FAM50A: variants seen among roughly 807,000 people sequenced by gnomAD.
FAM50A encodes family with sequence similarity 50 member A, also known as protein FAM50A.
A neutral mutation model predicts 35.5 loss-of-function variants in FAM50A; 6 were observed. The ratio of observed to expected loss-of-function variants is 0.17; its 90% CI spans 0.09 to 0.33. FAM50A has a LOEUF of 0.33. Ranked by LOEUF, FAM50A falls within the 10% of genes least tolerant of loss-of-function variation. The pLI, the probability that FAM50A is intolerant of heterozygous loss-of-function variation, is 1.00. For missense variants in FAM50A, 145 were observed against 295.5 expected (o/e 0.49, Z 3.73); for synonymous variants, 120 against 110.9 (o/e 1.08, Z -0.52).
chrX:154,449,311 G>C lies in FAM50A; in HGVS notation c.725+14G>C, dbSNP rs782505211. ...CAGTGAGCTGAGGTGTGAGGTGTGC[G>C]TGTGTGCACGGTGGTGTGTGTGGCA... On this transcript the variant is annotated intron_variant, in intron 8 of 12. Coordinates refer to ENST00000393600, the MANE Select transcript of FAM50A (RefSeq NM_004699.4). The C allele has an allele frequency of 6.8e-6, 8 of 1,175,493 alleles. 1 individual carries two copies. In the Admixed American group the frequency reaches 1.7e-4, roughly 26 times the overall value.
chrX:154,450,117 G>C lies in FAM50A; in HGVS notation c.900+18G>C, dbSNP rs782769485. The C allele has an allele frequency of 5.8e-6, 7 of 1,202,829 alleles. No individual in the cohort carries two copies. In the African/African-American group the frequency reaches 8.8e-5, roughly 15 times the overall value. On this transcript the variant is annotated intron_variant, in intron 11 of 12. Coordinates refer to ENST00000393600, the MANE Select transcript of FAM50A (RefSeq NM_004699.4). ...AGGATGAGGTACAGCGTAGGGGGCCGTGTGAGGGGGAACGGGTGTCCCTGG... is the reference window on the plus strand; with the variant it reads ...AGGATGAGGTACAGCGTAGGGGGCCCTGTGAGGGGGAACGGGTGTCCCTGG...
Position 154,450,319 on chromosome X carries a change from G to A in FAM50A, c.1011G>A (p.Thr337=). 8.3e-7 allele frequency: 1 copy of A among 1,207,418 alleles called. No individual in the cohort carries two copies. Among genetic ancestry groups the A allele is most frequent in the Non-Finnish European group, 1.1e-6 (1 of 891,568 alleles). The stretch of plus-strand genomic sequence containing the variant: ...CTGAAAAGAAGTGGGACAAGTACAC[G>A]GTGAGGAGGGGCTGGCAGGGACCCC... ...YDPEKKWDKY[T]IR is the part of the protein sequence containing the mutation. Residue 337 remains threonine (T), a splice_region_variant and synonymous_variant, in exon 12 of 13, where the codon ACG becomes ACA. Transcript: ENST00000393600.
At chrX:154,449,612 G>C (rs1254700554) in intron 8 of FAM50A, 69 bp from the exon 9 acceptor site, 1 of 985,955 alleles carries the variant, frequency 1.0e-6, no homozygotes, top group African/African-American at 1.9e-5. Flanking sequence ...CTCCTGGGCT[G>C]GCTGTCTCCT....
At chrX:154,446,303 C>G in intron 3 of FAM50A, 112 bp from the exon 4 acceptor site, 1 of 704,972 alleles carries the variant, frequency 1.4e-6, no homozygotes, top group Non-Finnish European at 2.2e-6. Flanking sequence ...GGGACCCAGC[C>G]TGGGCTGGGC....
rs781816960 is a variant in FAM50A at position 154,448,764 on chromosome X, T to A, written c.586+8T>A. ...AGCAGGAGAAGATCAAGAGTGAGTG[T>A]TTGCGGAGTCAGACGCGAGGGGCCT... On this transcript the variant is annotated splice_region_variant and intron_variant, in intron 6 of 12. Coordinates refer to ENST00000393600, the MANE Select transcript of FAM50A (RefSeq NM_004699.4). The A allele has an allele frequency of 8.3e-6, 10 of 1,205,997 alleles. No homozygotes were observed. Among genetic ancestry groups the A allele is most frequent in the Admixed American group, 2.2e-5 (1 of 45,584 alleles).
In FAM50A at chrX:154,444,221, G is replaced by GC. The variant is rs2068772135; in HGVS notation, c.-13dup. 1.2e-6 allele frequency: 1 copy of GC among 846,637 alleles called. No homozygotes were observed. The highest frequency in any genetic ancestry group is 1.5e-6 in the Non-Finnish European group (1 of 685,094). The allele number at this position is 846,637 out of a possible 1,213,427, so 69.8% of individuals were successfully genotyped here. A position where few individuals can be genotyped will look rare whatever the true frequency, so the allele number is the denominator to read the frequency against. ...GCCGCCGCCCGCCGCCGCCGCCGCC[G>GC]CCGCCGCCGCTGCCATGGCTCAATA... On this transcript the variant is annotated 5_prime_UTR_variant, in exon 1 of 13. Coordinates refer to ENST00000393600, the MANE Select transcript of FAM50A (RefSeq NM_004699.4).
chrX:154,450,413 C>T lies in FAM50A; in HGVS notation c.1012-11C>T. On this transcript the variant is annotated splice_polypyrimidine_tract_variant and intron_variant, in intron 12 of 12. Transcript: ENST00000393600. The stretch of plus-strand genomic sequence containing the variant: ...TCCTTGTCTCCTCTGCCCACCTTGT[C>T]CTCACACTAGATCCGCTGAGCATCC... 8.3e-7 allele frequency: 1 copy of T among 1,211,350 alleles called. No homozygotes were observed. Among genetic ancestry groups the T allele is most frequent in the African/African-American group, 1.7e-5 (1 of 57,732 alleles).
At position 154,449,258 on chromosome X, in the gene FAM50A, A is replaced by C; in HGVS notation, c.686A>C (p.Lys229Thr). Residue 229 changes from lysine to threonine, a missense_variant, in exon 8 of 13, where the codon AAG (lysine) becomes ACG (threonine). Coordinates refer to ENST00000393600, the MANE Select transcript of FAM50A (RefSeq NM_004699.4). ...AACACCATGCAGCAGTTCCTGCAGA[A>C]GGCGCTCGAGATCCTTCGGAAAGAC... ...KGNTMQQFLQ[K>T]ALEILRKDFS... The C allele has an allele frequency of 5.0e-6, 6 of 1,211,055 alleles. No homozygotes were observed. Among genetic ancestry groups the C allele is most frequent in the Non-Finnish European group, 6.7e-6 (6 of 894,421 alleles).
Position 154,444,254 on chromosome X carries a change from G to T in FAM50A, c.19G>T (p.Ala7Ser). 9.3e-7 allele frequency: 1 copy of T among 1,072,712 alleles called. No individual in the cohort carries two copies. The allele number at this position is 1,072,712 out of a possible 1,213,427, so 88.4% of individuals were successfully genotyped here. The change falls in exon 1 of 13, where the codon GCC (alanine) becomes TCC (serine). Residue 7 changes from alanine to serine, a missense_variant. Physicochemically the swap from Ala to Ser is moderately conservative, Grantham distance 99. Transcript: ENST00000393600. ...CGCTGCCATGGCTCAATACAAGGGC[G>T]CCGCGAGCGAGGCCGGCCGCGCCAT... MAQYKG[A>S]ASEAGRAMHL...
rs1569553641 is a variant in FAM50A at position 154,450,217 on chromosome X, A to G, written c.909A>G (p.Ala303=). The G allele has an allele frequency of 1.7e-6, 2 of 1,208,632 alleles. No homozygotes were observed. The highest frequency in any genetic ancestry group is 2.2e-6 in the Non-Finnish European group (2 of 894,120). Residue 303 remains alanine (A), a synonymous_variant, in exon 12 of 13, where the codon GCA becomes GCG. Transcript: ENST00000393600. ...CCCTCTTCCTCCCTTAGTCCCATGCAGGCAAGGTGGTGCTGAGGAGCTGGT... is the reference window on the plus strand; with the variant it reads ...CCCTCTTCCTCCCTTAGTCCCATGCGGGCAAGGTGGTGCTGAGGAGCTGGT... The part of the protein sequence containing the change: ...DATVEKDESH[A]GKVVLRSWYE...
Position 154,450,276 on chromosome X carries a change from G to A in FAM50A, c.968G>A (p.Arg323His). ...EKNKHIFPASRWEPYDPEKKW... is the reference protein window; with the variant it reads ...EKNKHIFPASHWEPYDPEKKW... ...AACAAGCACATCTTTCCCGCCAGCC[G>A]CTGGGAACCCTACGACCCTGAAAAG... Residue 323 changes from arginine (R) to histidine (H), a missense_variant, in exon 12 of 13, where the codon CGC becomes CAC. Physicochemically the swap from Arg to His is conservative, Grantham distance 29. Coordinates refer to ENST00000393600, the MANE Select transcript of FAM50A (RefSeq NM_004699.4). 1.7e-6 allele frequency: 2 copies of A among 1,211,229 alleles called. No homozygotes were observed. The highest frequency in any genetic ancestry group is 2.2e-6 in the Non-Finnish European group (2 of 895,065).
At chrX:154,448,362 C>G in intron 4 of FAM50A, 122 bp from the exon 5 acceptor site, 1 of 574,828 alleles carries the variant, frequency 1.7e-6, no homozygotes, top group Non-Finnish European at 2.9e-6. Flanking sequence ...GCCTCTGTGC[C>G]CGCCCTAGGC....
In FAM50A at chrX:154,448,760, A is replaced by T. The variant is rs1557200133; in HGVS notation, c.586+4A>T. 5.0e-6 allele frequency: 6 copies of T among 1,208,825 alleles called. No individual in the cohort carries two copies. On this transcript the variant is annotated splice_donor_region_variant and intron_variant, in intron 6 of 12. Coordinates refer to ENST00000393600, the MANE Select transcript of FAM50A (RefSeq NM_004699.4). ...GCCAAGCAGGAGAAGATCAAGAGTG[A>T]GTGTTTGCGGAGTCAGACGCGAGGG... is the stretch of plus-strand genomic sequence containing the variant.
chrX:154,449,440 C>A, intron 8 of FAM50A, 143 bp downstream of exon 8: 1 of 538,468 alleles, frequency 1.9e-6, no homozygotes. Context: ...GGGGGTCAGG[C>A]TCCTCTTCCC....
In FAM50A at chrX:154,446,117, C is replaced by T. The variant is rs944923506; in HGVS notation, c.296+206C>T. The T allele has an allele frequency of 2.7e-5, 12 of 444,240 alleles. No homozygotes were observed. In the Admixed American group the frequency reaches 3.9e-4, roughly 15 times the overall value. 36.6% of individuals were successfully genotyped at this position (444,240 alleles called of 1,213,427 possible). A position where few individuals can be genotyped will look rare whatever the true frequency, so the allele number is the denominator to read the frequency against. ...CCATGGCGGCTTGTCTTCTTTCTGA[C>T]CCTCTAAATGCAGTGGGCCCTTTCC... is the stretch of plus-strand genomic sequence containing the variant. On this transcript the variant is annotated intron_variant, in intron 3 of 12. Transcript: ENST00000393600.
chrX:154,445,431 G>C, intron 1 of FAM50A: 9 of 448,680 alleles, frequency 2.0e-5, no homozygotes, highest in Non-Finnish European at 2.8e-5. Context: ...CCCAGCAGGA[G>C]ACCTGAAGAG....
chrX:154,445,942 G>C, intron 3 of FAM50A, 31 bp downstream of exon 3: 1 of 1,112,392 alleles, frequency 9.0e-7, no homozygotes, highest in Admixed American at 2.2e-5. Flanking sequence ...CCTCAACATG[G>C]AGCTAGTGCT....
At position 154,450,134 on chromosome X, in the gene FAM50A, T is replaced by C. The variant is rs868940656; in HGVS notation, c.900+35T>C. The C allele has an allele frequency of 5.0e-6, 6 of 1,200,878 alleles. No homozygotes were observed. The Middle Eastern group carries it at 1.2e-3, about 231-fold the overall frequency. ...AGGGGGCCGTGTGAGGGGGAACGGG[T>C]GTCCCTGGGCTATGGAGGAGAAGCC... On this transcript the variant is annotated intron_variant, in intron 11 of 12. Coordinates refer to ENST00000393600, the MANE Select transcript of FAM50A (RefSeq NM_004699.4).
In FAM50A at chrX:154,445,731, G is replaced by A. The variant is rs782158349; in HGVS notation, c.196+14G>A. On this transcript the variant is annotated intron_variant, in intron 2 of 12. Coordinates refer to ENST00000393600, the MANE Select transcript of FAM50A (RefSeq NM_004699.4). ...CCAGCACCGTGGGTGAGCAGGGTGC[G>A]GGTGCCCCTCACCCGGGCCCCGGGC... is the stretch of plus-strand genomic sequence containing the variant. 6 of 1,195,413 alleles carry A rather than the reference G, an allele frequency of 5.0e-6. No individual in the cohort carries two copies. Among genetic ancestry groups the A allele is most frequent in the South Asian group, 3.5e-5 (2 of 56,465 alleles).
Sources: allele counts gnomAD v4.1 joint callset, GRCh38; gene constraint gnomAD v4.1.1; transcripts MANE v1.5; gene names NCBI Gene and HGNC (gene_info 2026-07-23, HGNC 2026-07-21).